ARHGEF4: variants seen among roughly 807,000 people sequenced by gnomAD.
ARHGEF4 encodes Rho guanine nucleotide exchange factor 4.
In ARHGEF4, 119 loss-of-function variants were observed where a neutral mutation model predicts 162.0. The ratio of observed to expected loss-of-function variants is 0.73; its 90% CI spans 0.63 to 0.86. ARHGEF4 has a LOEUF of 0.86. Ranked by LOEUF, ARHGEF4 falls within the 40% of genes least tolerant of loss-of-function variation. ARHGEF4 has a pLI of 0.00. For missense variants in ARHGEF4, 2,488 were observed against 2,456.0 expected, an observed-to-expected ratio of 1.01 and a Z score of -0.28; for synonymous variants, 1,014 against 979.9, an observed-to-expected ratio of 1.03 and a Z score of -0.65.
intron 1 of ARHGEF4, among the ~76,000 whole-genome samples, chr2:130,865,793 G>T (rs1416684918): frequency 1.3e-5 from 2 of 152,026 alleles, no homozygotes; most frequent in Admixed American, 6.6e-5. Context: ...AAATCATTCT[G>T]CATCCAGCTG....
At chr2:130,845,459 C>T (rs1050735396) in intron 1 of ARHGEF4, among the ~76,000 whole-genome samples, 4 of 152,080 alleles carry the variant, frequency 2.6e-5, no homozygotes, top group African/African-American at 7.2e-5. Flanking sequence ...CCACCACACC[C>T]GGCTAATTTT....
chr2:130,980,087 A>G (rs1447248608), intron 4 of ARHGEF4, among the ~76,000 whole-genome samples: 1 of 152,206 alleles, frequency 6.6e-6, no homozygotes, highest in South Asian at 2.1e-4. Flanking sequence ...ATAACTGTAA[A>G]CAAAAACATA....
chr2:130,856,100 A>T (rs147984695), intron 1 of ARHGEF4, among the ~76,000 whole-genome samples: 2 of 152,234 alleles, frequency 1.3e-5, no homozygotes, highest in African/African-American at 4.8e-5. Context: ...ACTCAGTTCA[A>T]ATAACTAAAG....
Position 130,916,257 on chromosome 2 carries a change from G to T in ARHGEF4, c.2311G>T (p.Ala771Ser). The T allele has an allele frequency of 6.6e-7, 1 of 1,524,402 alleles. No homozygotes were observed. Among genetic ancestry groups the T allele is most frequent in the Non-Finnish European group, 8.8e-7 (1 of 1,138,488 alleles). 94.4% of individuals were successfully genotyped at this position (1,524,402 alleles called of 1,614,324 possible). Residue 771 changes from alanine (A) to serine (S), a missense_variant, in exon 2 of 14, where the codon GCC becomes TCC. Physicochemically the swap from Ala to Ser is moderately conservative, Grantham distance 99. This residue lies in a region of ARHGEF4 where 1,642 missense variants were observed against 1,481.5 expected (regional missense o/e 1.11). Coordinates refer to ENST00000409359, the MANE Select transcript of ARHGEF4 (RefSeq NM_001367493.1). ...AARGQRPRVP[A>S]LEPPQPPRGL... ...CCGGGGCCAGCGCCCCCGCGTCCCC[G>T]CCTTGGAGCCGCCCCAGCCGCCACG...
At chr2:130,925,035 AGTGT>A (rs55986926) in intron 2 of ARHGEF4, among the ~76,000 whole-genome samples, 15,188 of 137,656 alleles carry the variant, frequency 0.11, 856 homozygotes, top group Middle Eastern at 0.17. Flanking sequence ...AGGAGTTCTA[AGTGT>A]GTGTGTGTGT....
intron 4 of ARHGEF4, among the ~76,000 whole-genome samples, chr2:130,982,616 T>TCC (rs1686201441): frequency 3.4e-5 from 1 of 29,232 alleles, no homozygotes; most frequent in Non-Finnish European, 2.8e-4. Context: ...CCTCCTCCTT[T>TCC]CTTCTTTTCT....
intron 1 of ARHGEF4, among the ~76,000 whole-genome samples, chr2:130,848,847 G>C (rs542326490): frequency 6.6e-6 from 1 of 152,300 alleles, no homozygotes; most frequent in Admixed American, 6.5e-5. Context: ...AGGCTCAGGG[G>C]TGATGGGCCC....
In ARHGEF4 at chr2:131,021,465, A is replaced by G. The variant is rs572448039; in HGVS notation, c.3986-6480A>G. On this transcript the variant is annotated intron_variant, in intron 4 of 13. Coordinates refer to ENST00000409359, the MANE Select transcript of ARHGEF4 (RefSeq NM_001367493.1). The stretch of plus-strand genomic sequence containing the variant: ...AAACTGGATCCCTTCCTTACACCTT[A>G]TACAAAAATTAATTCAAGATGGATT... 2.2e-3 allele frequency among the ~76,000 whole-genome samples: 328 copies of G among 152,280 alleles called. 2 individuals carry two copies. Among genetic ancestry groups the G allele is most frequent in the African/African-American group, 6.9e-3 (286 of 41,564 alleles).
chr2:131,015,823 C>T (rs1353031206), intron 4 of ARHGEF4, among the ~76,000 whole-genome samples: 1 of 152,236 alleles, frequency 6.6e-6, no homozygotes, highest in African/African-American at 2.4e-5. Context: ...CTTCACCTCT[C>T]TGGGCCCCAG....
At chr2:130,954,963 A>ATT (rs35253583) in intron 4 of ARHGEF4, among the ~76,000 whole-genome samples, 22 of 149,192 alleles carry the variant, frequency 1.5e-4, no homozygotes, top group Non-Finnish European at 2.1e-4. Context: ...GGCTTTGTTC[A>ATT]TTTTTTTTTC....
chr2:130,917,317 G>C lies in ARHGEF4; in HGVS notation c.3371G>C (p.Ser1124Thr). ...TCCATGGTTTCTCTTGGAAGCTACA[G>C]CTACGTGGACAGCAGTTCAGGGGAC... ...AISMVSLGSY[S>T]YVDSSSGDPE... The change falls in exon 2 of 14, where the codon AGC (serine) becomes ACC (threonine). Residue 1124 changes from serine (S) to threonine (T), a missense_variant. By Grantham distance (58) the Ser-to-Thr change is moderately conservative. Around this residue, in one of 6 missense-constraint regions of ARHGEF4, gnomAD observed 1,642 missense variants for 1,481.5 expected, o/e 1.11. Transcript: ENST00000409359. 6.4e-7 allele frequency: 1 copy of C among 1,550,598 alleles called. No individual in the cohort carries two copies. The highest frequency in any genetic ancestry group is 1.2e-5 in the South Asian group (1 of 84,060).
chr2:130,969,922 T>C (rs545873963), intron 4 of ARHGEF4, among the ~76,000 whole-genome samples: 34 of 150,868 alleles, frequency 2.3e-4, no homozygotes, highest in Non-Finnish European at 4.3e-4. Flanking sequence ...TTTAACCTCA[T>C]GTGTTGCGTT....
chr2:130,844,177 C>T (rs1004104186), intron 1 of ARHGEF4, among the ~76,000 whole-genome samples: 9 of 152,376 alleles, frequency 5.9e-5, no homozygotes, highest in Admixed American at 2.0e-4. Flanking sequence ...AGGAGAAGTG[C>T]TGTGTCTTTC....
intron 1 of ARHGEF4, among the ~76,000 whole-genome samples, chr2:130,899,210 A>T (rs75021356): frequency 6.6e-6 from 1 of 152,314 alleles, no homozygotes; most frequent in Non-Finnish European, 1.5e-5. Flanking sequence ...TCTTTGCTTC[A>T]TAACATAACA....
At chr2:130,939,447 GTGTCTA>G (rs1683158109) in intron 3 of ARHGEF4, among the ~76,000 whole-genome samples, 2 of 152,140 alleles carry the variant, frequency 1.3e-5, no homozygotes, top group Non-Finnish European at 2.9e-5. Flanking sequence ...GTCGATCCAT[GTGTCTA>G]TGCTTCCACC....
At position 131,041,836 on chromosome 2, in the gene ARHGEF4, C is replaced by T. The variant is rs774222755; in HGVS notation, c.4917C>T (p.Ala1639=). 5.6e-6 allele frequency: 9 copies of T among 1,613,420 alleles called. No homozygotes were observed. The highest frequency in any genetic ancestry group is 3.3e-5 in the Admixed American group (2 of 60,024). ...PQHRDFKDVE[A]ALHAMKNVAQ... ...CCAGGGACTTCAAGGATGTTGAAGC[C>T]GCCTTGCATGCCATGAAGAACGTGG... Residue 1639 remains alanine (A), a synonymous_variant, in exon 10 of 14, where the codon GCC becomes GCT. Transcript: ENST00000409359.
intron 4 of ARHGEF4, among the ~76,000 whole-genome samples, chr2:130,951,076 A>G (rs10153570): frequency 0.45 from 67,710 of 152,072 alleles, 18,423 homozygotes; most frequent in African/African-American, 0.77. Context: ...CAATTGGAAA[A>G]AGTTAAGGCC....
At chr2:130,842,609 T>C (rs1270784214) in intron 1 of ARHGEF4, among the ~76,000 whole-genome samples, 1 of 152,180 alleles carries the variant, frequency 6.6e-6, no homozygotes, top group Non-Finnish European at 1.5e-5. Context: ...CACCCAGTAG[T>C]CACTTGGCCA....
chr2:130,915,782 G>T lies in ARHGEF4; in HGVS notation c.1836G>T (p.Gly612=). The change falls in exon 2 of 14, where the codon GGG becomes GGT. Residue 612 remains glycine, a synonymous_variant. Transcript: ENST00000409359. The part of the protein sequence containing the change: ...EEGEQGPGGA[G]GRQLEPKAGG... ...GTGAACAGGGGCCTGGGGGTGCCGG[G>T]GGCCGGCAGCTGGAGCCCAAAGCAG... 6.6e-7 allele frequency: 1 copy of T among 1,526,048 alleles called. No individual in the cohort carries two copies. Among genetic ancestry groups the T allele is most frequent in the South Asian group, 1.2e-5 (1 of 80,170 alleles). 94.5% of individuals were successfully genotyped at this position (1,526,048 alleles called of 1,614,324 possible).
Sources: gnomAD v4.1 joint callset for allele counts (sites outside exome capture counted in the v4.1 genomes callset) on GRCh38, gnomAD v4.1.1 for gene constraint, gnomAD v4.1.1 regional missense constraint, MANE v1.5 for transcripts, NCBI Gene and HGNC (gene_info 2026-07-23, HGNC 2026-07-21) for gene names.